Variants in TSPAN9 observed in about 807,000 individuals in gnomAD.
TSPAN9 encodes tetraspanin 9.
In TSPAN9, 16 loss-of-function variants were observed where a neutral mutation model predicts 31.0. The observed-to-expected ratio is 0.52, with a 90% CI of 0.35 to 0.78. The LOEUF is 0.78. Among genes scored for constraint, TSPAN9 ranks in the 30% least tolerant of loss-of-function variants. TSPAN9 has a pLI of 0.01. For missense variants in TSPAN9, 272 were observed against 312.5 expected (o/e 0.87, Z 0.98); for synonymous variants, 145 against 121.6 (o/e 1.19, Z -1.27).
intron 2 of TSPAN9, among the ~76,000 whole-genome samples, chr12:3,122,925 C>G (rs1348089013): frequency 6.6e-6 from 1 of 152,160 alleles, no homozygotes; most frequent in East Asian, 1.9e-4. Flanking sequence ...GCGTTTTGCC[C>G]CAGGCACTTG....
chr12:3,250,360 T>C (rs146788253), intron 3 of TSPAN9, among the ~76,000 whole-genome samples: 3,142 of 152,358 alleles, frequency 0.021, 36 homozygotes, highest in Admixed American at 0.029. Flanking sequence ...CCCTCTTCAC[T>C]GTCCTTCATG....
chr12:3,234,669 C>T (rs1310112094), intron 3 of TSPAN9, among the ~76,000 whole-genome samples: 1 of 152,176 alleles, frequency 6.6e-6, no homozygotes, highest in Non-Finnish European at 1.5e-5. Flanking sequence ...AGAGTGGAAG[C>T]GTGGAGTGGT....
intron 2 of TSPAN9, among the ~76,000 whole-genome samples, chr12:3,130,567 G>C (rs7308604): frequency 0.5 from 76,372 of 151,916 alleles, 21,688 homozygotes; most frequent in Admixed American, 0.61. Flanking sequence ...GGCTTCTCGG[G>C]ACTGGCCTGG....
chr12:3,110,691 A>G (rs2098318104), intron 2 of TSPAN9, among the ~76,000 whole-genome samples: 2 of 152,180 alleles, frequency 1.3e-5, no homozygotes, highest in South Asian at 4.2e-4. Context: ...ATGAATTGCA[A>G]ACCGACTTGG....
Position 3,097,321 on chromosome 12 carries a change from CA to C in TSPAN9, c.-18+13603del, listed in dbSNP as rs2098309626. Among the ~76,000 whole-genome samples the C allele has an allele frequency of 7.2e-5, 11 of 152,328 alleles. 2 individuals are homozygous for C. In the South Asian group the frequency reaches 2.3e-3, roughly 32 times the overall value. On this transcript the variant is annotated intron_variant, in intron 2 of 8. Transcript: ENST00000011898. The stretch of plus-strand genomic sequence containing the variant: ...AACATGCGCCCAAAATGGCCAAATC[CA>C]TGAGGACTTGAGAGAGGCACGTGTG...
chr12:3,153,043 G>A (rs552361729), intron 2 of TSPAN9, among the ~76,000 whole-genome samples: 61 of 152,328 alleles, frequency 4.0e-4, no homozygotes, highest in African/African-American at 1.2e-3. Flanking sequence ...TTTATGGTGC[G>A]TGCACGCCTG....
At position 3,284,128 on chromosome 12, in the gene TSPAN9, G is replaced by C. The variant is rs540807658; in HGVS notation, c.*1012G>C. 1.3e-5 allele frequency: 2 copies of C among 152,834 alleles called. No individual in the cohort carries two copies. The highest frequency in any genetic ancestry group is 4.1e-4 in the South Asian group (2 of 4,826). The allele number at this position is 152,834 out of a possible 1,614,324, so 9.5% of individuals were successfully genotyped here. A position where few individuals can be genotyped will look rare whatever the true frequency, so the allele number is the denominator to read the frequency against. On this transcript the variant is annotated 3_prime_UTR_variant, in exon 9 of 9. Coordinates refer to ENST00000011898, the MANE Select transcript of TSPAN9 (RefSeq NM_006675.5). ...CCTCCCGCTCTCTGCTGGCACGCGA[G>C]GCTTCCCCTTCCACCCCATGTGGGT... is the stretch of plus-strand genomic sequence containing the variant.
At chr12:3,262,501 G>A (rs1456929967) in intron 3 of TSPAN9, among the ~76,000 whole-genome samples, 1 of 150,578 alleles carries the variant, frequency 6.6e-6, no homozygotes, top group Non-Finnish European at 1.5e-5. Flanking sequence ...ATTGAACTTT[G>A]TTCTCGGTGC....
At chr12:3,174,863 T>G (rs28455901) in intron 2 of TSPAN9, among the ~76,000 whole-genome samples, 1 of 152,050 alleles carries the variant, frequency 6.6e-6, no homozygotes, top group Non-Finnish European at 1.5e-5. Context: ...ATTACAGGCG[T>G]GAGCCACCGC....
chr12:3,131,930 C>A (rs1033603039), intron 2 of TSPAN9, among the ~76,000 whole-genome samples: 1 of 152,116 alleles, frequency 6.6e-6, no homozygotes, highest in Admixed American at 6.5e-5. Flanking sequence ...TACCTGTGAC[C>A]CCCCAGGCCT....
intron 2 of TSPAN9, among the ~76,000 whole-genome samples, chr12:3,197,012 T>C (rs2153972506): frequency 6.6e-6 from 1 of 152,242 alleles, no homozygotes; most frequent in East Asian, 1.9e-4. Context: ...CTGAGACTGG[T>C]AGGATCAGCC....
At chr12:3,154,587 C>T (rs892065933) in intron 2 of TSPAN9, among the ~76,000 whole-genome samples, 1 of 152,222 alleles carries the variant, frequency 6.6e-6, no homozygotes, top group Admixed American at 6.5e-5. Flanking sequence ...TCCCTTCCTC[C>T]CTCTCTTCCT....
rs372813900 is a variant in TSPAN9 at position 3,079,638 on chromosome 12, T to A, written c.-85+2185T>A. Among the ~76,000 whole-genome samples, 37 of 152,172 alleles carry A rather than the reference T, an allele frequency of 2.4e-4. No individual in the cohort carries two copies. In the Middle Eastern group the frequency reaches 0.02, roughly 84 times the overall value. ...CACCACACCTGGCTAATTTTTGTAT[T>A]TTTAGTAGAGATGGAGTTTCGCCAT... On this transcript the variant is annotated intron_variant, in intron 1 of 8. Transcript: ENST00000011898.
At chr12:3,181,332 A>G (rs1290615468) in intron 2 of TSPAN9, among the ~76,000 whole-genome samples, 1 of 152,208 alleles carries the variant, frequency 6.6e-6, no homozygotes, top group African/African-American at 2.4e-5. Context: ...TATTGTATCC[A>G]TAATTCAGAC....
chr12:3,105,734 G>A (rs530619302), intron 2 of TSPAN9, among the ~76,000 whole-genome samples: 2 of 139,846 alleles, frequency 1.4e-5, no homozygotes, highest in South Asian at 2.3e-4. Context: ...GTGCACGCGC[G>A]TGCACACACA....
intron 2 of TSPAN9, among the ~76,000 whole-genome samples, chr12:3,106,645 C>T (rs556553841): frequency 1.3e-5 from 2 of 152,250 alleles, no homozygotes; most frequent in East Asian, 3.9e-4. Flanking sequence ...GTGGCATGTG[C>T]CTGTAGTCAC....
intron 2 of TSPAN9, among the ~76,000 whole-genome samples, chr12:3,089,351 C>T (rs1382732746): frequency 7.2e-6 from 1 of 139,182 alleles, no homozygotes; most frequent in African/African-American, 2.7e-5. Flanking sequence ...GGCTGGAGTG[C>T]AGTGGCGTGA....
chr12:3,163,291 C>A lies in TSPAN9; in HGVS notation c.-17-37886C>A, dbSNP rs1467954667. ...AGCTTAAATGTCTTGTCTATAAGCC[C>A]CATAATTGAATATGACAATCCCATC... is the stretch of plus-strand genomic sequence containing the variant. On this transcript the variant is annotated intron_variant, in intron 2 of 8. Transcript: ENST00000011898. Among the ~76,000 whole-genome samples the A allele has an allele frequency of 2.0e-5, 3 of 152,206 alleles. No homozygotes were observed. In the East Asian group the frequency reaches 5.8e-4, roughly 29 times the overall value.
chr12:3,204,889 C>G (rs1353760331), intron 3 of TSPAN9, among the ~76,000 whole-genome samples: 1 of 152,210 alleles, frequency 6.6e-6, no homozygotes, highest in African/African-American at 2.4e-5. Context: ...TCTGGGTCCT[C>G]CTGGGGCCAT....
Sources: allele counts gnomAD v4.1 joint callset (sites outside exome capture counted in the v4.1 genomes callset), GRCh38; gene constraint gnomAD v4.1.1; transcripts MANE v1.5; gene names NCBI Gene and HGNC (gene_info 2026-07-23, HGNC 2026-07-21).